The following MIB1 variants were observed in gnomAD, a reference collection of about 807,000 sequenced individuals.
The protein encoded by MIB1 is E3 ubiquitin-protein ligase MIB1.
MIB1 carries 278 observed loss-of-function variants against 124.5 expected under a neutral mutation model. The observed-to-expected ratio is 2.23, with a 90% CI of 2.02 to 2.47. MIB1 has a LOEUF of 2.47. Ranked by LOEUF, MIB1 falls within the 30% of genes most tolerant of loss-of-function variation. The pLI, the probability that MIB1 is intolerant of heterozygous loss-of-function variation, is 0.00. For missense variants in MIB1, 957 were observed against 1,254.4 expected (o/e 0.76, Z 3.58); for synonymous variants, 446 against 429.4 (o/e 1.04, Z -0.48).
chr18:21,802,095 A>G, intron 9 of MIB1, among the ~76,000 whole-genome samples: 1 of 152,152 alleles, frequency 6.6e-6, no homozygotes, highest in Non-Finnish European at 1.5e-5. Context: ...GTTAGAAGTC[A>G]TTTTCCTGTA....
At chr18:21,774,346 T>C (rs1262536438) in intron 4 of MIB1, among the ~76,000 whole-genome samples, 1 of 152,214 alleles carries the variant, frequency 6.6e-6, no homozygotes, top group African/African-American at 2.4e-5. Context: ...CCCAGCACTT[T>C]GGGAGGCCCA....
At chr18:21,850,802 A>G (rs534524416) in intron 17 of MIB1, among the ~76,000 whole-genome samples, 2 of 152,198 alleles carry the variant, frequency 1.3e-5, no homozygotes, top group Non-Finnish European at 2.9e-5. Flanking sequence ...CGCTTTAGCT[A>G]CCTGTTTACG....
At chr18:21,813,217 A>T (rs1415937447) in intron 10 of MIB1, among the ~76,000 whole-genome samples, 2 of 151,694 alleles carry the variant, frequency 1.3e-5, no homozygotes, top group Non-Finnish European at 2.9e-5. Flanking sequence ...AGGGTTAAAA[A>T]CTGTAACAGA....
upstream of MIB1, among the ~76,000 whole-genome samples, chr18:21,736,220 G>A (rs1414100896): frequency 2.0e-5 from 3 of 152,332 alleles, no homozygotes; most frequent in East Asian, 5.8e-4. Context: ...CTCTGCTGGT[G>A]ATACCCAGGC....
At chr18:21,750,873 TC>T (rs1250001995) in intron 1 of MIB1, among the ~76,000 whole-genome samples, 1 of 152,154 alleles carries the variant, frequency 6.6e-6, no homozygotes, top group Non-Finnish European at 1.5e-5. Context: ...CCAACCATAC[TC>T]CTGTAAATAT....
intron 1 of MIB1, among the ~76,000 whole-genome samples, chr18:21,725,782 AGAG>A (rs2040738979): frequency 7.7e-6 from 1 of 130,352 alleles, no homozygotes; most frequent in Non-Finnish European, 1.6e-5. Flanking sequence ...AGGGAGGGAG[AGAG>A]GGAAGGAAGG....
chr18:21,844,324 TAATC>T, intron 15 of MIB1, 71 bp downstream of exon 15: 1 of 1,443,340 alleles, frequency 6.9e-7, no homozygotes, highest in Non-Finnish European at 9.5e-7. Flanking sequence ...TATTTACTGG[TAATC>T]TAACCTGTAT....
chr18:21,713,239 G>A (rs2040673102), intron 1 of MIB1, among the ~76,000 whole-genome samples: 1 of 138,262 alleles, frequency 7.2e-6, no homozygotes, highest in Non-Finnish European at 1.5e-5. Flanking sequence ...AAAGTGCTGG[G>A]ATTACAACCC....
intron 12 of MIB1, among the ~76,000 whole-genome samples, chr18:21,835,830 C>A (rs1034438311): frequency 0.014 from 1,148 of 83,818 alleles, 29 homozygotes; most frequent in East Asian, 0.088. Flanking sequence ...CACACACACA[C>A]ACACACACAA....
chr18:21,806,205 AT>A (rs1228812095), intron 10 of MIB1, among the ~76,000 whole-genome samples: 766 of 137,892 alleles, frequency 5.6e-3, no homozygotes, highest in Middle Eastern at 0.015. Flanking sequence ...GCCTGGCCAG[AT>A]TTTTTTTTTT....
At chr18:21,734,200 G>A (rs890999607) in intron 1 of MIB1, among the ~76,000 whole-genome samples, 3 of 148,262 alleles carry the variant, frequency 2.0e-5, no homozygotes, top group South Asian at 4.3e-4. Context: ...TCCGCCTCCC[G>A]GGTTCACTCC....
chr18:21,815,847 T>G, intron 11 of MIB1, 34 bp downstream of exon 11: 2 of 1,557,518 alleles, frequency 1.3e-6, no homozygotes, highest in South Asian at 1.1e-5. Flanking sequence ...CCTGCAGGTA[T>G]TGCTAGGATC....
At chr18:21,715,766 A>G (rs2040686835) in intron 1 of MIB1, among the ~76,000 whole-genome samples, 1 of 152,136 alleles carries the variant, frequency 6.6e-6, no homozygotes, top group African/African-American at 2.4e-5. Context: ...AAAGAACTTC[A>G]GAGCTCAAAG....
At chr18:21,755,713 C>T (rs776647583) in intron 1 of MIB1, among the ~76,000 whole-genome samples, 2 of 152,174 alleles carry the variant, frequency 1.3e-5, no homozygotes, top group Non-Finnish European at 2.9e-5. Context: ...TGGAAAACAG[C>T]AGATAGTCCA....
chr18:21,729,276 C>T (rs991513229), intron 1 of MIB1, among the ~76,000 whole-genome samples: 3 of 152,138 alleles, frequency 2.0e-5, no homozygotes, highest in Admixed American at 6.6e-5. Context: ...ATAGTCTGTT[C>T]GGGCTGCTAT....
intron 4 of MIB1, among the ~76,000 whole-genome samples, chr18:21,776,487 A>G (rs1467273674): frequency 6.6e-6 from 1 of 152,152 alleles, no homozygotes; most frequent in African/African-American, 2.4e-5. Flanking sequence ...TACTATATAC[A>G]CCTGTACTAT....
intron 1 of MIB1, among the ~76,000 whole-genome samples, chr18:21,749,503 G>C (rs2040949246): frequency 6.6e-6 from 1 of 152,034 alleles, no homozygotes; most frequent in Admixed American, 6.6e-5. Flanking sequence ...ATTTGTTACA[G>C]GAATTTCTGT....
chr18:21,827,239 G>A (rs1051352984), intron 12 of MIB1: 1 of 152,100 alleles, frequency 6.6e-6, no homozygotes, highest in African/African-American at 2.4e-5. Flanking sequence ...GCTGATCTAA[G>A]TGATAGATGT....
At chr18:21,769,253 A>G (rs2041198844) in intron 3 of MIB1, among the ~76,000 whole-genome samples, 1 of 152,194 alleles carries the variant, frequency 6.6e-6, no homozygotes, top group Admixed American at 6.5e-5. Flanking sequence ...GTGTGGTGAA[A>G]TGAGAGACCT....
Sources: gnomAD v4.1 joint callset for allele counts (sites outside exome capture counted in the v4.1 genomes callset) on GRCh38, gnomAD v4.1.1 for gene constraint, MANE v1.5 for transcripts, NCBI Gene and HGNC (gene_info 2026-07-23, HGNC 2026-07-21) for gene names.